NRDC: variants seen among roughly 807,000 people sequenced by gnomAD.
NRDC encodes nardilysin.
A neutral mutation model predicts 147.1 loss-of-function variants in NRDC; 54 were observed. The ratio of observed to expected loss-of-function variants is 0.37; its 90% CI spans 0.29 to 0.46. The LOEUF (loss-of-function observed/expected upper bound fraction) is 0.46. Among genes scored for constraint, NRDC ranks in the 20% least tolerant of loss-of-function variants. The pLI is 1.00. For synonymous variants in NRDC, 440 were observed against 482.1 expected (o/e 0.91, Z 1.14); for missense variants, 1,082 against 1,370.6 (o/e 0.79, Z 3.33).
chr1:51,837,581 C>CA, intron 2 of NRDC: 1 of 1,592,866 alleles, frequency 6.3e-7, no homozygotes, highest in Non-Finnish European at 8.6e-7. Context: ...CACAGTCTAT[C>CA]AGTCAGCTTT....
At chr1:51,806,162 A>G (rs988046645) in intron 18 of NRDC, among the ~76,000 whole-genome samples, 5 of 152,150 alleles carry the variant, frequency 3.3e-5, no homozygotes, top group Admixed American at 6.6e-5. Context: ...GGGCCACAAC[A>G]TTAAAGATAA....
intron 1 of NRDC, among the ~76,000 whole-genome samples, chr1:51,860,796 A>G (rs1265857695): frequency 1.3e-5 from 2 of 152,218 alleles, no homozygotes; most frequent in Non-Finnish European, 2.9e-5. Flanking sequence ...ATAATATAGT[A>G]GCTAGAATAT....
chr1:51,823,810 T>C (rs1680317067), intron 6 of NRDC, 24 bp from the exon 7 acceptor site: 1 of 1,544,964 alleles, frequency 6.5e-7, no homozygotes, highest in African/African-American at 1.4e-5. Flanking sequence ...AAAAAAATTA[T>C]AGATATAACT....
chr1:51,810,742 T>C (rs553341615), intron 15 of NRDC, among the ~76,000 whole-genome samples: 1 of 152,352 alleles, frequency 6.6e-6, no homozygotes, highest in East Asian at 1.9e-4. Flanking sequence ...ACATACATTA[T>C]TTCATTTATT....
chr1:51,804,167 T>A (rs1035000010), intron 19 of NRDC, among the ~76,000 whole-genome samples: 1 of 152,224 alleles, frequency 6.6e-6, no homozygotes, highest in Non-Finnish European at 1.5e-5. Flanking sequence ...TTTCCCAATC[T>A]TTTTCATGTC....
At chr1:51,813,624 C>G (rs972880452) in intron 14 of NRDC, among the ~76,000 whole-genome samples, 4 of 152,132 alleles carry the variant, frequency 2.6e-5, no homozygotes, top group Admixed American at 2.0e-4. Context: ...AAGGAAAATG[C>G]TCTCCTTCCC....
At chr1:51,804,384 C>T (rs7541944) in intron 19 of NRDC, among the ~76,000 whole-genome samples, 14 of 69,654 alleles carry the variant, frequency 2.0e-4, no homozygotes, top group African/African-American at 4.6e-4. Context: ...TTTACAGTTA[C>T]GTAGGAAAAG....
At chr1:51,866,047 C>T (rs2124103954) in intron 1 of NRDC, among the ~76,000 whole-genome samples, 1 of 151,568 alleles carries the variant, frequency 6.6e-6, no homozygotes, top group Middle Eastern at 3.4e-3. Context: ...CAGAGCAAGA[C>T]TCCATCTCAA....
At chr1:51,848,475 C>T (rs533883322) in intron 1 of NRDC, among the ~76,000 whole-genome samples, 2 of 151,962 alleles carry the variant, frequency 1.3e-5, no homozygotes, top group Admixed American at 6.5e-5. Flanking sequence ...AGCGAGACTC[C>T]GTCTCAAAAA....
intron 23 of NRDC, 44 bp from the exon 24 acceptor site, chr1:51,794,654 TAAG>T: frequency 1.2e-6 from 2 of 1,608,190 alleles, no homozygotes; most frequent in Non-Finnish European, 1.7e-6. Context: ...CCAAAAACTA[TAAG>T]AAGCTAGGCC....
chr1:51,839,651 A>C (rs1258802012), intron 2 of NRDC, among the ~76,000 whole-genome samples: 2 of 152,168 alleles, frequency 1.3e-5, no homozygotes, highest in Admixed American at 1.3e-4. Context: ...TTAACTGCCC[A>C]GTTTCTATTT....
intron 3 of NRDC, among the ~76,000 whole-genome samples, chr1:51,834,943 A>C (rs1316663992): frequency 6.6e-6 from 1 of 152,194 alleles, no homozygotes; most frequent in Non-Finnish European, 1.5e-5. Flanking sequence ...ACAAAGTAAG[A>C]AGTATACCCT....
chr1:51,865,739 G>A (rs1682772125), intron 1 of NRDC, among the ~76,000 whole-genome samples: 1 of 152,134 alleles, frequency 6.6e-6, no homozygotes, highest in Admixed American at 6.5e-5. Context: ...ATTTTCCACA[G>A]ATAGTAATTT....
chr1:51,835,467 G>GTTTT lies in NRDC; in HGVS notation c.712+660_712+663dup, dbSNP rs951683379. The stretch of plus-strand genomic sequence containing the variant: ...AATTTCTAGGTTTTTTTTGTTTCTT[G>GTTTT]TTTTTTTTTTTTTTTTTTTGAGACA... On this transcript the variant is annotated intron_variant, in intron 3 of 30. Transcript: ENST00000352171. 4.7e-3 allele frequency among the ~76,000 whole-genome samples: 544 copies of GTTTT among 114,596 alleles called. 26 individuals carry two copies. The highest frequency in any genetic ancestry group is 0.018 in the African/African-American group (514 of 28,322). 75.2% of individuals were successfully genotyped at this position (114,596 alleles called of 152,430 possible). A position where few individuals can be genotyped will look rare whatever the true frequency, so the allele number is the denominator to read the frequency against.
At chr1:51,840,900 T>A (rs1195611394) in intron 1 of NRDC, among the ~76,000 whole-genome samples, 1 of 152,210 alleles carries the variant, frequency 6.6e-6, no homozygotes, top group East Asian at 1.9e-4. Context: ...AGACTTAGGC[T>A]AAGATAAATT....
At position 51,800,269 on chromosome 1, in the gene NRDC, G is replaced by A. The variant is rs114466900; in HGVS notation, c.2441+287C>T. 1.6e-3 allele frequency among the ~76,000 whole-genome samples: 242 copies of A among 152,184 alleles called. 1 individual carries two copies. Among genetic ancestry groups the A allele is most frequent in the Non-Finnish European group, 2.7e-3 (185 of 68,020 alleles). Reference sequence around the variant, plus strand: ...ATTACAGATATAAGCTACCATGCCCGGCCTAAAACTAGCACTTCTTTAACA... The same window carrying A: ...ATTACAGATATAAGCTACCATGCCCAGCCTAAAACTAGCACTTCTTTAACA... On this transcript the variant is annotated intron_variant, in intron 21 of 30. Transcript: ENST00000352171.
chr1:51,871,593 T>C (rs1372331643), intron 1 of NRDC, among the ~76,000 whole-genome samples: 2 of 148,480 alleles, frequency 1.3e-5, no homozygotes, highest in Non-Finnish European at 3.0e-5. Context: ...TTCAATTGTT[T>C]ATAGGTTGCT....
intron 1 of NRDC, among the ~76,000 whole-genome samples, chr1:51,851,036 G>A (rs560457319): frequency 1.3e-5 from 2 of 152,254 alleles, no homozygotes; most frequent in African/African-American, 2.4e-5. Context: ...GTCCCTGGCC[G>A]CAGCCACCCT....
At chr1:51,857,225 C>T (rs1571911667) in intron 1 of NRDC, among the ~76,000 whole-genome samples, 1 of 152,090 alleles carries the variant, frequency 6.6e-6, no homozygotes. Flanking sequence ...TGCTAATTAC[C>T]GAGTTTCAGT....
Sources: allele counts gnomAD v4.1 joint callset (sites outside exome capture counted in the v4.1 genomes callset), GRCh38; gene constraint gnomAD v4.1.1; transcripts MANE v1.5; gene names NCBI Gene and HGNC (gene_info 2026-07-23, HGNC 2026-07-21).